Variants in SMAD4 observed in about 807,000 individuals in gnomAD.
The protein encoded by SMAD4 is SMAD family member 4, also known as MAD homolog 4.
In SMAD4, 7 loss-of-function variants were observed where a neutral mutation model predicts 63.2. The observed-to-expected ratio is 0.11, with a 90% CI of 0.06 to 0.21. SMAD4 has a LOEUF of 0.21. Ranked by LOEUF, SMAD4 falls within the 10% of genes least tolerant of loss-of-function variation. The pLI is 1.00. For synonymous variants in SMAD4, 215 were observed against 235.4 expected, an observed-to-expected ratio of 0.91 and a Z score of 0.79; for missense variants, 312 against 693.8, an observed-to-expected ratio of 0.45 and a Z score of 6.18.
intron 9 of SMAD4, 37 bp downstream of exon 9, chr18:51,065,643 T>C (rs771513235): frequency 7.8e-6 from 12 of 1,528,748 alleles, no homozygotes; most frequent in East Asian, 2.2e-5. Context: ...CTTTAAAAAA[T>C]TGAGCATAGT....
At chr18:51,040,525 GA>G (rs1909344563) in intron 1 of SMAD4, among the ~76,000 whole-genome samples, 2 of 152,028 alleles carry the variant, frequency 1.3e-5, no homozygotes, top group Non-Finnish European at 1.5e-5. Flanking sequence ...ATACATGTTT[GA>G]CACATATAAT....
intron 9 of SMAD4, 115 bp from the exon 10 acceptor site, chr18:51,066,903 GT>G: frequency 2.5e-6 from 2 of 812,936 alleles, no homozygotes; most frequent in Non-Finnish European, 4.1e-6. Context: ...CTATCTTTTG[GT>G]TTTATGTGAT....
At position 51,067,039 on chromosome 18, in the gene SMAD4, T is replaced by G. The variant is rs1910179680; in HGVS notation, c.1160T>G (p.Val387Gly). 6.2e-7 allele frequency: 1 copy of G among 1,613,624 alleles called. No individual in the cohort carries two copies. The highest frequency in any genetic ancestry group is 1.3e-5 in the African/African-American group (1 of 74,922). ...ERARLHIGKG[V>G]QLECKGEGDV... ...CTAAGGTTGCACATAGGCAAAGGTG[T>G]GCAGTTGGAATGTAAAGGTGAAGGT... The change falls in exon 10 of 12, where the codon GTG becomes GGG. Residue 387 changes from valine to glycine, a missense_variant. Coordinates refer to ENST00000342988, the MANE Select transcript of SMAD4 (RefSeq NM_005359.6).
intron 5 of SMAD4, 73 bp from the exon 6 acceptor site, chr18:51,058,052 C>T (rs1447171843): frequency 8.3e-6 from 13 of 1,561,004 alleles, no homozygotes; most frequent in Admixed American, 1.7e-5. Context: ...TAAAATTGGT[C>T]CTTCATTTAG....
At chr18:51,076,295 A>G (rs1351913018) in intron 10 of SMAD4, among the ~76,000 whole-genome samples, 1 of 152,194 alleles carries the variant, frequency 6.6e-6, no homozygotes, top group Non-Finnish European at 1.5e-5. Context: ...AAATTCAGCA[A>G]TTTGATTATG....
intron 1 of SMAD4, among the ~76,000 whole-genome samples, chr18:51,035,616 G>C (rs1909179674): frequency 1.3e-5 from 2 of 152,176 alleles, no homozygotes; most frequent in East Asian, 1.9e-4. Context: ...CAATTAACTA[G>C]TCACTTAACT....
chr18:51,031,140 G>A (rs1909037509), intron 1 of SMAD4, among the ~76,000 whole-genome samples: 1 of 152,132 alleles, frequency 6.6e-6, no homozygotes, highest in African/African-American at 2.4e-5. Flanking sequence ...GAGTGACAGC[G>A]GTATGCAGGA....
At chr18:51,043,240 T>C (rs751294006) in intron 1 of SMAD4, among the ~76,000 whole-genome samples, 1 of 152,240 alleles carries the variant, frequency 6.6e-6, no homozygotes, top group Non-Finnish European at 1.5e-5. Flanking sequence ...TTTCTTACTA[T>C]GGGCTTCCTG....
chr18:51,056,564 G>C (rs1463632043), intron 5 of SMAD4, among the ~76,000 whole-genome samples: 1 of 143,504 alleles, frequency 7.0e-6, no homozygotes. Flanking sequence ...AGCTTGCAGT[G>C]AGCAGAGAGC....
intron 5 of SMAD4, among the ~76,000 whole-genome samples, chr18:51,057,546 G>T (rs1285997330): frequency 6.6e-6 from 1 of 152,088 alleles, no homozygotes. Flanking sequence ...TTTTTTGTTT[G>T]TTTTTAACCA....
chr18:51,037,945 T>TA (rs1174233810), intron 1 of SMAD4, among the ~76,000 whole-genome samples: 9 of 152,118 alleles, frequency 5.9e-5, no homozygotes, highest in South Asian at 2.1e-4. Flanking sequence ...TCTTAATACT[T>TA]AAAGACTTTT....
chr18:51,065,636 T>C (rs1555686516), intron 9 of SMAD4, 30 bp downstream of exon 9: 2 of 1,585,132 alleles, frequency 1.3e-6, no homozygotes, highest in South Asian at 2.2e-5. Flanking sequence ...ATAGTTACTT[T>C]AAAAAATTGA....
chr18:51,032,493 A>G (rs540902493), intron 1 of SMAD4, among the ~76,000 whole-genome samples: 1 of 152,328 alleles, frequency 6.6e-6, no homozygotes, highest in African/African-American at 2.4e-5. Context: ...TCCCTCTACT[A>G]GGAAGCAGCA....
chr18:51,076,844 G>T, intron 11 of SMAD4, 68 bp downstream of exon 11: 1 of 1,254,288 alleles, frequency 8.0e-7, no homozygotes, highest in Non-Finnish European at 1.1e-6. Flanking sequence ...TTACTCAGTT[G>T]ATTAGTTTCT....
In SMAD4 at chr18:51,062,851, G is replaced by GTTTTTTTTTTTTTTTTT. The variant is rs71171374; in HGVS notation, c.956-2564_956-2548dup. On this transcript the variant is annotated intron_variant, in intron 8 of 11. Coordinates refer to ENST00000342988, the MANE Select transcript of SMAD4 (RefSeq NM_005359.6). ...ACAGTCTAGTAATCTGGCTTTACTTGTTTTTTTTTTTTTTTTTTTTTTTTG... is the reference window on the plus strand; with the variant it reads ...ACAGTCTAGTAATCTGGCTTTACTTGTTTTTTTTTTTTTTTTTTTTTTTTTTTTTTTTTTTTTTTTTG... Among the ~76,000 whole-genome samples the GTTTTTTTTTTTTTTTTT allele has an allele frequency of 1.8e-4, 12 of 65,394 alleles. 1 individual carries two copies. Among genetic ancestry groups the GTTTTTTTTTTTTTTTTT allele is most frequent in the African/African-American group, 6.4e-4 (10 of 15,672 alleles). 42.9% of individuals were successfully genotyped at this position (65,394 alleles called of 152,430 possible). A position where few individuals can be genotyped will look rare whatever the true frequency, so the allele number is the denominator to read the frequency against.
rs1180041096 is a variant in SMAD4 at position 51,081,301 on chromosome 18, G to GT, written c.*2835dup. ...GAGAGATGAGCCATGTACACCCACC[G>GT]TAAGACCTCATTCCATGTTTGTCCA... On this transcript the variant is annotated 3_prime_UTR_variant, in exon 12 of 12. Coordinates refer to ENST00000342988, the MANE Select transcript of SMAD4 (RefSeq NM_005359.6). 1 of 227,570 alleles carries GT rather than the reference G, an allele frequency of 4.4e-6. No individual in the cohort carries two copies. The highest frequency in any genetic ancestry group is 8.7e-6 in the Non-Finnish European group (1 of 114,706). 14.1% of individuals were successfully genotyped at this position (227,570 alleles called of 1,614,324 possible). A position where few individuals can be genotyped will look rare whatever the true frequency, so the allele number is the denominator to read the frequency against.
In SMAD4 at chr18:51,054,329, T is replaced by A. The variant is rs1909783972; in HGVS notation, c.455-452T>A. 2.2e-5 allele frequency: 4 copies of A among 183,730 alleles called. No homozygotes were observed. The South Asian group carries it at 4.1e-4, about 19-fold the overall frequency. 11.4% of individuals were successfully genotyped at this position (183,730 alleles called of 1,614,324 possible). The stretch of plus-strand genomic sequence containing the variant: ...GGATTGGATATCTATCAGATCCCAC[T>A]CATATCTCCACAGTGTGAAATTAAC... On this transcript the variant is annotated intron_variant, in intron 4 of 11. Coordinates refer to ENST00000342988, the MANE Select transcript of SMAD4 (RefSeq NM_005359.6).
At chr18:51,064,929 T>C (rs887359586) in intron 8 of SMAD4, among the ~76,000 whole-genome samples, 1 of 152,340 alleles carries the variant, frequency 6.6e-6, no homozygotes, top group South Asian at 2.1e-4. Context: ...TATAAAAATA[T>C]GTCATGAGTC....
At position 51,082,032 on chromosome 18, in the gene SMAD4, T is replaced by C. The variant is rs1327608255; in HGVS notation, c.*3565T>C. On this transcript the variant is annotated 3_prime_UTR_variant, in exon 12 of 12. Transcript: ENST00000342988. ...ATTCTCTGAGTGGAACAGAGTTCTT[T>C]TTGTTGATAATTTCTAGTTTGCTCC... 2 of 231,374 alleles carry C rather than the reference T, an allele frequency of 8.6e-6. No homozygotes were observed. The highest frequency in any genetic ancestry group is 1.7e-5 in the Non-Finnish European group (2 of 116,990). 14.3% of individuals were successfully genotyped at this position (231,374 alleles called of 1,614,324 possible).
Sources: gnomAD v4.1 joint callset for allele counts (sites outside exome capture counted in the v4.1 genomes callset) on GRCh38, gnomAD v4.1.1 for gene constraint, MANE v1.5 for transcripts, NCBI Gene and HGNC (gene_info 2026-07-23, HGNC 2026-07-21) for gene names.